Variants in MAD1L1 observed in about 807,000 individuals in gnomAD.
MAD1L1 encodes the protein mitotic spindle assembly checkpoint protein MAD1.
MAD1L1 carries 95 observed loss-of-function variants against 96.9 expected under a neutral mutation model. That is an observed-to-expected ratio of 0.98 (90% confidence interval 0.83 to 1.16). The LOEUF is 1.16. MAD1L1 is among the 50% of genes most tolerant of loss of function. The probability of loss-of-function intolerance (pLI) is 0.00; values close to 1 mark genes in which losing one functional copy is unlikely to be tolerated. For synonymous variants in MAD1L1, 473 were observed against 396.6 expected, an observed-to-expected ratio of 1.19 and a Z score of -2.29; for missense variants, 1,007 against 954.4, an observed-to-expected ratio of 1.06 and a Z score of -0.73.
chr7:1,921,849 C>T (rs919306130), intron 17 of MAD1L1, among the ~76,000 whole-genome samples: 4 of 152,130 alleles, frequency 2.6e-5, no homozygotes, highest in Non-Finnish European at 4.4e-5. Context: ...ATTTAGATCT[C>T]GACCTCATAC....
chr7:2,090,443 C>G (rs1044968905), intron 11 of MAD1L1, among the ~76,000 whole-genome samples: 1 of 152,204 alleles, frequency 6.6e-6, no homozygotes. Context: ...CAGGACAGTA[C>G]AGTGAGTTCC....
intron 11 of MAD1L1, among the ~76,000 whole-genome samples, chr7:2,094,882 A>G (rs1307657957): frequency 6.6e-6 from 1 of 152,232 alleles, no homozygotes; most frequent in African/African-American, 2.4e-5. Context: ...GGAGGGACTC[A>G]GCTGATCACG....
chr7:1,867,698 G>C (rs547315423), intron 18 of MAD1L1, among the ~76,000 whole-genome samples: 1 of 152,200 alleles, frequency 6.6e-6, no homozygotes, highest in Non-Finnish European at 1.5e-5. Context: ...CCTGGCCTCC[G>C]GGGCAGAGCT....
intron 12 of MAD1L1, among the ~76,000 whole-genome samples, chr7:2,047,320 C>T (rs1244873042): frequency 3.3e-5 from 5 of 152,162 alleles, no homozygotes; most frequent in Non-Finnish European, 7.3e-5. Context: ...GTCTGCAGAC[C>T]GTGCCGATGA....
At position 2,230,761 on chromosome 7, in the gene MAD1L1, G is replaced by C. The variant is rs575341047; in HGVS notation, c.-189-34C>G. 7.3e-4 allele frequency: 111 copies of C among 152,758 alleles called. 1 individual carries two copies. Among genetic ancestry groups the C allele is most frequent in the African/African-American group, 2.5e-3 (105 of 41,548 alleles). The allele number at this position is 152,758 out of a possible 1,614,324, so 9.5% of individuals were successfully genotyped here. A position where few individuals can be genotyped will look rare whatever the true frequency, so the allele number is the denominator to read the frequency against. On this transcript the variant is annotated intron_variant, in intron 1 of 18. Coordinates refer to ENST00000265854, the MANE Select transcript of MAD1L1 (RefSeq NM_001013836.2). ...GAGAGGAGAGGAAGAGTGTATCCCA[G>C]CTCCTGCAGGCAGATGGACACATTC... is the stretch of plus-strand genomic sequence containing the variant.
chr7:1,957,345 G>A lies in MAD1L1; in HGVS notation c.1596+284C>T, dbSNP rs188077498. Among the ~76,000 whole-genome samples, 722 of 152,368 alleles carry A rather than the reference G, an allele frequency of 4.7e-3. 5 individuals carry two copies. The highest frequency in any genetic ancestry group is 5.0e-3 in the Non-Finnish European group (343 of 68,036). ...CAAACAGCAGTCCAGCCTCGCCACA[G>A]CAGATCCCGGGTGGGCATAGTGCAA... On this transcript the variant is annotated intron_variant, in intron 16 of 18. Coordinates refer to ENST00000265854, the MANE Select transcript of MAD1L1 (RefSeq NM_001013836.2).
intron 10 of MAD1L1, among the ~76,000 whole-genome samples, chr7:2,194,995 G>T (rs1169594189): frequency 2.0e-5 from 3 of 152,052 alleles, no homozygotes; most frequent in Non-Finnish European, 4.4e-5. Flanking sequence ...GGCTGAGGCA[G>T]GAGAATCGCT....
intron 11 of MAD1L1, among the ~76,000 whole-genome samples, chr7:2,133,413 G>C (rs1788608719): frequency 6.6e-6 from 1 of 152,260 alleles, no homozygotes; most frequent in South Asian, 2.1e-4. Flanking sequence ...TTACCACTGA[G>C]TTTGAAGAGT....
intron 17 of MAD1L1, among the ~76,000 whole-genome samples, chr7:1,903,686 G>A (rs1254311968): frequency 1.4e-5 from 2 of 145,772 alleles, no homozygotes; most frequent in Non-Finnish European, 3.0e-5. Flanking sequence ...AGACGCTCTT[G>A]CGGAACTCAT....
At chr7:2,117,986 G>C (rs1052064583) in intron 11 of MAD1L1, among the ~76,000 whole-genome samples, 1 of 152,098 alleles carries the variant, frequency 6.6e-6, no homozygotes, top group Non-Finnish European at 1.5e-5. Flanking sequence ...GGCCCCTCAA[G>C]TACACCCCCA....
chr7:1,956,004 G>C (rs543182578), intron 16 of MAD1L1, among the ~76,000 whole-genome samples: 24 of 151,930 alleles, frequency 1.6e-4, no homozygotes, highest in Non-Finnish European at 3.4e-4. Flanking sequence ...GGGGTGGCAG[G>C]GGGGAGCGGG....
At chr7:1,954,204 C>A (rs972584592) in intron 16 of MAD1L1, among the ~76,000 whole-genome samples, 3 of 152,212 alleles carry the variant, frequency 2.0e-5, no homozygotes, top group Non-Finnish European at 4.4e-5. Flanking sequence ...ACCATGCAGG[C>A]CTGGTTCACC....
intron 18 of MAD1L1, among the ~76,000 whole-genome samples, chr7:1,825,666 C>T (rs1339097155): frequency 6.6e-6 from 1 of 152,246 alleles, no homozygotes; most frequent in Non-Finnish European, 1.5e-5. Flanking sequence ...GGCAGTCTCA[C>T]CATGCACACA....
intron 11 of MAD1L1, among the ~76,000 whole-genome samples, chr7:2,070,549 G>C (rs1278515316): frequency 6.6e-6 from 1 of 152,250 alleles, no homozygotes. Flanking sequence ...GAGGGTGCGA[G>C]TCCGCGGAGG....
chr7:1,847,309 T>G (rs1256897070), intron 18 of MAD1L1: 1 of 471,086 alleles, frequency 2.1e-6, no homozygotes, highest in South Asian at 1.5e-5. Flanking sequence ...GCCGCTGGAT[T>G]ACAGAGCAGC....
chr7:1,923,944 C>A lies in MAD1L1; in HGVS notation c.1807+12743G>T, dbSNP rs529772730. Among the ~76,000 whole-genome samples, 604 of 152,324 alleles carry A rather than the reference C, an allele frequency of 4.0e-3. 6 individuals carry two copies. The highest frequency in any genetic ancestry group is 0.014 in the African/African-American group (581 of 41,578). ...AAAGAGCCTGAAATGGAAGTGCCATCAGGAAATGCTGAAACCAACAGAAAT... is the reference window on the plus strand; with the variant it reads ...AAAGAGCCTGAAATGGAAGTGCCATAAGGAAATGCTGAAACCAACAGAAAT... On this transcript the variant is annotated intron_variant, in intron 17 of 18. Coordinates refer to ENST00000265854, the MANE Select transcript of MAD1L1 (RefSeq NM_001013836.2).
In MAD1L1 at chr7:1,856,568, C is replaced by T. The variant is rs560263758; in HGVS notation, c.1999-40340G>A. On this transcript the variant is annotated intron_variant, in intron 18 of 18. Transcript: ENST00000265854. ...CTGCTCGCTCTCTGCTTATCACCCG[C>T]GGCCTGTATCCGCTGCGTGCTGTGT... 7.2e-5 allele frequency among the ~76,000 whole-genome samples: 11 copies of T among 152,350 alleles called. No individual in the cohort carries two copies. In the South Asian group the frequency reaches 1.2e-3, roughly 17 times the overall value.
chr7:1,907,142 C>T (rs1022129471), intron 17 of MAD1L1, among the ~76,000 whole-genome samples: 2 of 152,154 alleles, frequency 1.3e-5, no homozygotes, highest in African/African-American at 4.8e-5. Context: ...AGAGCAGCTC[C>T]CAGCTGCTCA....
At chr7:1,851,991 G>T (rs1404547974) in intron 18 of MAD1L1, among the ~76,000 whole-genome samples, 1 of 152,186 alleles carries the variant, frequency 6.6e-6, no homozygotes, top group Non-Finnish European at 1.5e-5. Context: ...CAGTGTCAGC[G>T]GCAACGAGAG....
Sources: allele counts gnomAD v4.1 joint callset (sites outside exome capture counted in the v4.1 genomes callset), GRCh38; gene constraint gnomAD v4.1.1; transcripts MANE v1.5; gene names NCBI Gene and HGNC (gene_info 2026-07-23, HGNC 2026-07-21).